Variants in GOLGB1 observed in about 807,000 individuals in gnomAD.
GOLGB1 encodes golgin subfamily B member 1.
In GOLGB1, 174 loss-of-function variants were observed where a neutral mutation model predicts 336.9. The ratio of observed to expected loss-of-function variants is 0.52; its 90% CI spans 0.46 to 0.59. The LOEUF (loss-of-function observed/expected upper bound fraction) is 0.59. Among genes scored for constraint, GOLGB1 ranks in the 20% least tolerant of loss-of-function variants. The pLI, the probability that GOLGB1 is intolerant of heterozygous loss-of-function variation, is 0.00. For synonymous variants in GOLGB1, 1,208 were observed against 1,289.2 expected, an observed-to-expected ratio of 0.94 and a Z score of 1.35; for missense variants, 3,331 against 3,645.3, an observed-to-expected ratio of 0.91 and a Z score of 2.22.
chr3:121,684,299 A>G (rs1941490193), intron 14 of GOLGB1, among the ~76,000 whole-genome samples: 1 of 150,670 alleles, frequency 6.6e-6, no homozygotes, highest in Non-Finnish European at 1.5e-5. Context: ...GGGAAAAGTT[A>G]AGAAAATTAG....
At chr3:121,744,331 G>T (rs2108426014) in intron 1 of GOLGB1, among the ~76,000 whole-genome samples, 1 of 151,594 alleles carries the variant, frequency 6.6e-6, no homozygotes, top group Non-Finnish European at 1.5e-5. Context: ...TAGCAGTCAG[G>T]CAGGGTGGCT....
rs1181335731 is a variant in GOLGB1 at position 121,704,523 on chromosome 3, A to G, written c.1405-1928T>C. Among the ~76,000 whole-genome samples the G allele has an allele frequency of 7.2e-5, 11 of 152,332 alleles. No individual in the cohort carries two copies. In the South Asian group the frequency reaches 8.3e-4, roughly 11 times the overall value. On this transcript the variant is annotated intron_variant, in intron 10 of 21. Coordinates refer to ENST00000614479, the MANE Select transcript of GOLGB1 (RefSeq NM_001366282.2). ...CTGGACACAGTGGCTCACGCCTATAATCCCAGCAGTTTGGGAGGGCGAGGC... is the reference window on the plus strand; with the variant it reads ...CTGGACACAGTGGCTCACGCCTATAGTCCCAGCAGTTTGGGAGGGCGAGGC...
At chr3:121,719,831 TCA>T in intron 6 of GOLGB1, 63 bp from the exon 7 acceptor site, 2 of 1,416,810 alleles carry the variant, frequency 1.4e-6, no homozygotes, top group South Asian at 3.0e-5. Flanking sequence ...CAAATAAAAC[TCA>T]CAGACTACTT....
chr3:121,708,414 T>G (rs956304108), intron 10 of GOLGB1, among the ~76,000 whole-genome samples: 1 of 152,112 alleles, frequency 6.6e-6, no homozygotes, highest in Non-Finnish European at 1.5e-5. Flanking sequence ...GGAGGATCAC[T>G]TGAGCCCAGG....
intron 15 of GOLGB1, among the ~76,000 whole-genome samples, chr3:121,680,392 A>G (rs1940932377): frequency 6.6e-6 from 1 of 152,228 alleles, no homozygotes; most frequent in African/African-American, 2.4e-5. Context: ...TGACACAAAT[A>G]TTAGAATTAT....
intron 15 of GOLGB1, among the ~76,000 whole-genome samples, chr3:121,680,057 C>T (rs181996815): frequency 5.9e-4 from 90 of 152,310 alleles, no homozygotes; most frequent in Non-Finnish European, 1.1e-3. Context: ...TGCCCCTCTC[C>T]ACTCCTTCCA....
Position 121,689,319 on chromosome 3 carries a change from G to A in GOLGB1, c.8694+1351C>T, listed in dbSNP as rs530483908. Among the ~76,000 whole-genome samples the A allele has an allele frequency of 9.3e-4, 142 of 152,270 alleles. 1 individual carries two copies. Among genetic ancestry groups the A allele is most frequent in the South Asian group, 5.0e-3 (24 of 4,816 alleles). ...TGTTCTGTACTAAGAAAAAATCTTC[G>A]GCCTTGGGATCCTGTTGATCTGTGA... On this transcript the variant is annotated intron_variant, in intron 14 of 21. Coordinates refer to ENST00000614479, the MANE Select transcript of GOLGB1 (RefSeq NM_001366282.2).
rs750087561 is a variant in GOLGB1, at chr3:121,693,880, T to G, written c.6643A>C (p.Lys2215Gln). 2 of 1,614,152 alleles carry G rather than the reference T, an allele frequency of 1.2e-6. No individual in the cohort carries two copies. Among genetic ancestry groups the G allele is most frequent in the Admixed American group, 3.3e-5 (2 of 60,030 alleles). The change falls in exon 13 of 22, where the codon AAA becomes CAA. Residue 2215 changes from lysine to glutamine, a missense_variant. By Grantham distance (53) the Lys-to-Gln change is moderately conservative. Coordinates refer to ENST00000614479, the MANE Select transcript of GOLGB1 (RefSeq NM_001366282.2). ...DRDRVIDEAK[K>Q]WERKFSDAIQ... Reference sequence around the variant, plus strand: ...GCATCACTAAACTTCCTCTCCCATTTCTTAGCTTCATCTATCACCCTGTCA... The same window carrying G: ...GCATCACTAAACTTCCTCTCCCATTGCTTAGCTTCATCTATCACCCTGTCA...
intron 11 of GOLGB1, among the ~76,000 whole-genome samples, chr3:121,701,051 A>G (rs1943362866): frequency 6.6e-6 from 1 of 152,160 alleles, no homozygotes; most frequent in African/African-American, 2.4e-5. Context: ...GACAGTATAT[A>G]TGTTCAGACA....
In GOLGB1 at chr3:121,718,446, C is replaced by T. The variant is rs762664045; in HGVS notation, c.827G>A (p.Arg276His). The part of the protein sequence containing the change: ...LEEHEESLVG[R>H]AQVVDLLQQE... The stretch of plus-strand genomic sequence containing the variant: ...TTGCAGCAAGTCAACGACCTGAGCA[C>T]GGCCCACCAAGGATTCTTCGTGTTC... The change falls in exon 8 of 22, where the codon CGT becomes CAT. Residue 276 changes from arginine (R) to histidine (H), a missense_variant. Coordinates refer to ENST00000614479, the MANE Select transcript of GOLGB1 (RefSeq NM_001366282.2). 25 of 1,613,974 alleles carry T rather than the reference C, an allele frequency of 1.5e-5. 1 individual carries two copies. In the South Asian group the frequency reaches 2.1e-4, roughly 13 times the overall value.
At position 121,729,460 on chromosome 3, in the gene GOLGB1, C is replaced by T. The variant is rs1240210190; in HGVS notation, c.250-120G>A. 3.7e-6 allele frequency: 3 copies of T among 821,620 alleles called. No homozygotes were observed. In the African/African-American group the frequency reaches 5.2e-5, roughly 14 times the overall value. The allele number at this position is 821,620 out of a possible 1,614,324, so 50.9% of individuals were successfully genotyped here. A position where few individuals can be genotyped will look rare whatever the true frequency, so the allele number is the denominator to read the frequency against. On this transcript the variant is annotated intron_variant, in intron 3 of 21. Transcript: ENST00000614479. ...ACAGGGTATCTCTCTGTTACCAGGG[C>T]TGGAGTGCAGTGGCACAATCACAAC...
intron 9 of GOLGB1, among the ~76,000 whole-genome samples, chr3:121,715,369 ATT>A (rs373634444): frequency 1.1e-4 from 14 of 128,534 alleles, no homozygotes; most frequent in Non-Finnish European, 8.2e-5. Flanking sequence ...TGCCTGGCTA[ATT>A]TTTTTTTTTT....
intron 4 of GOLGB1, among the ~76,000 whole-genome samples, chr3:121,727,310 ATATATATATATTTTTTT>A (rs1945720030): frequency 9.2e-5 from 3 of 32,688 alleles, no homozygotes; most frequent in Non-Finnish European, 2.4e-4. Flanking sequence ...ATATATATAT[ATATATATATATTTTTTT>A]TTTTTTTTTT....
intron 9 of GOLGB1, among the ~76,000 whole-genome samples, chr3:121,716,358 A>G (rs1460502481): frequency 6.6e-6 from 1 of 152,190 alleles, no homozygotes; most frequent in Non-Finnish European, 1.5e-5. Context: ...CTTCAGATTT[A>G]TGGATAACTC....
At position 121,664,026 on chromosome 3, in the gene GOLGB1, T is replaced by G. The variant is rs950695795; in HGVS notation, c.*454A>C. ...TGTTCATTTCCCTGAACTCTGTTTA[T>G]GGCAGAGCCACCTTCCCCCTGAAAC... On this transcript the variant is annotated 3_prime_UTR_variant, in exon 22 of 22. Coordinates refer to ENST00000614479, the MANE Select transcript of GOLGB1 (RefSeq NM_001366282.2). 1.7e-5 allele frequency: 3 copies of G among 178,220 alleles called. No homozygotes were observed. Among genetic ancestry groups the G allele is most frequent in the South Asian group, 2.5e-4 (2 of 7,968 alleles). 11.0% of individuals were successfully genotyped at this position (178,220 alleles called of 1,614,324 possible).
At chr3:121,683,053 ATTTTTTT>A (rs746649684) in intron 14 of GOLGB1, among the ~76,000 whole-genome samples, 978 of 82,462 alleles carry the variant, frequency 0.012, 18 homozygotes, top group African/African-American at 0.042. Flanking sequence ...ATTTCTTTTA[ATTTTTTT>A]TTTTTTTTTT....
At chr3:121,719,487 T>A (rs181471346) in intron 7 of GOLGB1, among the ~76,000 whole-genome samples, 159 bp downstream of exon 7, 5 of 151,836 alleles carry the variant, frequency 3.3e-5, no homozygotes, top group East Asian at 1.9e-4. Context: ...TAAGAAAAAA[T>A]AAATAATTTT....
chr3:121,745,541 T>C (rs571736555), intron 1 of GOLGB1, among the ~76,000 whole-genome samples: 47 of 151,894 alleles, frequency 3.1e-4, no homozygotes, highest in Non-Finnish European at 2.9e-5. Flanking sequence ...TGTATGTATA[T>C]ATATACATAT....
At chr3:121,721,549 C>A (rs1472257792) in intron 6 of GOLGB1, among the ~76,000 whole-genome samples, 2 of 152,156 alleles carry the variant, frequency 1.3e-5, no homozygotes, top group African/African-American at 4.8e-5. Flanking sequence ...GAGAGGATGG[C>A]TTGAGCCCAG....
Sources: allele counts gnomAD v4.1 joint callset (sites outside exome capture counted in the v4.1 genomes callset), GRCh38; gene constraint gnomAD v4.1.1; transcripts MANE v1.5; gene names NCBI Gene and HGNC (gene_info 2026-07-23, HGNC 2026-07-21).